RNF216: variants seen among roughly 807,000 people sequenced by gnomAD.
RNF216 encodes E3 ubiquitin-protein ligase RNF216.
Under a neutral mutation model 110.8 loss-of-function variants are expected in RNF216, and 72 were observed. The ratio of observed to expected loss-of-function variants is 0.65; its 90% CI spans 0.54 to 0.79. The LOEUF is 0.79. RNF216 is among the 30% of genes least tolerant of loss of function. The probability of loss-of-function intolerance (pLI) is 0.00; values close to 1 mark genes in which losing one functional copy is unlikely to be tolerated. For missense variants in RNF216, 1,342 were observed against 1,141.2 expected (o/e 1.18, Z -2.54); for synonymous variants, 495 against 407.5 (o/e 1.21, Z -2.59).
In RNF216 at chr7:5,738,707, C is replaced by CAAAAAAA. The variant is rs71004696; in HGVS notation, c.1121+562_1121+568dup. 7.1e-5 allele frequency among the ~76,000 whole-genome samples: 5 copies of CAAAAAAA among 70,126 alleles called. No homozygotes were observed. The East Asian group carries it at 1.6e-3, about 23-fold the overall frequency. 46.0% of individuals were successfully genotyped at this position (70,126 alleles called of 152,430 possible). A position where few individuals can be genotyped will look rare whatever the true frequency, so the allele number is the denominator to read the frequency against. ...TGGGAGACAGAGTGAGACTCCGTCT[C>CAAAAAAA]AAAAAAAAAAAAAAAAAAAAAAAAA... On this transcript the variant is annotated intron_variant, in intron 5 of 16. Coordinates refer to ENST00000389902, the MANE Select transcript of RNF216 (RefSeq NM_207111.4).
At chr7:5,653,833 C>T (rs530798498) in intron 13 of RNF216, among the ~76,000 whole-genome samples, 1 of 152,186 alleles carries the variant, frequency 6.6e-6, no homozygotes, top group Admixed American at 6.5e-5. Context: ...GATCAACACT[C>T]CAGACAATGG....
intron 9 of RNF216, among the ~76,000 whole-genome samples, chr7:5,718,516 A>T (rs571841488): frequency 1.3e-5 from 2 of 152,118 alleles, no homozygotes; most frequent in Non-Finnish European, 2.9e-5. Flanking sequence ...CAATTCTCTA[A>T]AAGTTCAAAA....
At chr7:5,740,149 T>TA (rs1422070617) in intron 4 of RNF216, among the ~76,000 whole-genome samples, 4 of 119,798 alleles carry the variant, frequency 3.3e-5, no homozygotes, top group South Asian at 2.8e-4. Context: ...TTTTGTGAGA[T>TA]AGAGTCTCAC....
chr7:5,685,902 C>T (rs746067237), intron 13 of RNF216, among the ~76,000 whole-genome samples: 2 of 152,170 alleles, frequency 1.3e-5, no homozygotes, highest in Non-Finnish European at 2.9e-5. Flanking sequence ...TAATGCATTT[C>T]TATGTACTGA....
At chr7:5,751,182 GAAC>G (rs887365300) in intron 3 of RNF216, among the ~76,000 whole-genome samples, 2 of 151,980 alleles carry the variant, frequency 1.3e-5, no homozygotes, top group Non-Finnish European at 2.9e-5. Context: ...TCTCCAGCTG[GAAC>G]AACAACAACA....
Position 5,770,822 on chromosome 7 carries a change from C to T in RNF216, c.-69-9684G>A, listed in dbSNP as rs192445103. ...AGATTCTTTTTTTTTTTTTCTTTCCCCCCGAAACAGTGTCTTGCTCTGTCG... is the reference window on the plus strand; with the variant it reads ...AGATTCTTTTTTTTTTTTTCTTTCCTCCCGAAACAGTGTCTTGCTCTGTCG... On this transcript the variant is annotated intron_variant, in intron 1 of 16. Coordinates refer to ENST00000389902, the MANE Select transcript of RNF216 (RefSeq NM_207111.4). Among the ~76,000 whole-genome samples the T allele has an allele frequency of 4.2e-3, 633 of 151,412 alleles. 4 individuals are homozygous for T. Among genetic ancestry groups the T allele is most frequent in the Middle Eastern group, 0.027 (8 of 294 alleles).
intron 13 of RNF216, among the ~76,000 whole-genome samples, chr7:5,701,668 T>C (rs891119672): frequency 6.6e-6 from 1 of 152,194 alleles, no homozygotes; most frequent in East Asian, 1.9e-4. Flanking sequence ...AAAGCATAAG[T>C]GGGTTTAATA....
At chr7:5,632,920 G>A (rs923820941) in intron 15 of RNF216, among the ~76,000 whole-genome samples, 1 of 152,180 alleles carries the variant, frequency 6.6e-6, no homozygotes, top group Non-Finnish European at 1.5e-5. Flanking sequence ...CAGTGTCAAG[G>A]ACAAAGGGTC....
intron 13 of RNF216, among the ~76,000 whole-genome samples, chr7:5,710,571 T>C (rs981222145): frequency 3.9e-5 from 6 of 152,156 alleles, no homozygotes; most frequent in Admixed American, 2.0e-4. Context: ...GACTACTCAA[T>C]AGGCAAGTAG....
intron 13 of RNF216, among the ~76,000 whole-genome samples, chr7:5,665,311 A>G (rs1349891114): frequency 6.6e-6 from 1 of 152,174 alleles, no homozygotes; most frequent in African/African-American, 2.4e-5. Flanking sequence ...GAACCATTAC[A>G]AAGCCTCCCC....
chr7:5,763,188 C>G (rs1402195400), intron 1 of RNF216, among the ~76,000 whole-genome samples: 1 of 152,134 alleles, frequency 6.6e-6, no homozygotes, highest in Non-Finnish European at 1.5e-5. Context: ...GGTAGATTAA[C>G]TGTTAAGTGA....
At chr7:5,647,932 G>A (rs914160424) in intron 14 of RNF216, among the ~76,000 whole-genome samples, 2 of 151,974 alleles carry the variant, frequency 1.3e-5, no homozygotes, top group African/African-American at 4.8e-5. Flanking sequence ...TTGCCCTGTA[G>A]CCACCAAAAT....
chr7:5,672,703 T>C (rs1200730484), intron 13 of RNF216, among the ~76,000 whole-genome samples: 1 of 151,356 alleles, frequency 6.6e-6, no homozygotes, highest in Non-Finnish European at 1.5e-5. Flanking sequence ...GTATGGAGCA[T>C]GAGTCTGGAA....
intron 13 of RNF216, among the ~76,000 whole-genome samples, chr7:5,709,148 T>C (rs983809746): frequency 6.6e-6 from 1 of 152,104 alleles, no homozygotes; most frequent in African/African-American, 2.4e-5. Flanking sequence ...CAGTACGTGC[T>C]AGTTTCACCA....
intron 15 of RNF216, among the ~76,000 whole-genome samples, chr7:5,632,667 C>T (rs566027883): frequency 6.6e-6 from 1 of 152,242 alleles, no homozygotes; most frequent in East Asian, 1.9e-4. Flanking sequence ...ATTCCAGCTA[C>T]TTGGGAGGCT....
chr7:5,708,046 C>T (rs952054802), intron 13 of RNF216, among the ~76,000 whole-genome samples: 1 of 152,090 alleles, frequency 6.6e-6, no homozygotes, highest in Non-Finnish European at 1.5e-5. Context: ...AGTTCTCATA[C>T]TTTGTGAATT....
At chr7:5,759,111 G>C (rs1448485636) in intron 2 of RNF216, among the ~76,000 whole-genome samples, 1 of 152,094 alleles carries the variant, frequency 6.6e-6, no homozygotes, top group Non-Finnish European at 1.5e-5. Context: ...AAAGTGTGTG[G>C]CACCTCTTCC....
At chr7:5,670,835 T>C (rs193243185) in intron 13 of RNF216, among the ~76,000 whole-genome samples, 3 of 152,320 alleles carry the variant, frequency 2.0e-5, no homozygotes, top group Non-Finnish European at 2.9e-5. Context: ...GAACTTGTAG[T>C]GGTGGCCATA....
intron 13 of RNF216, 57 bp downstream of exon 13, chr7:5,711,704 G>A: frequency 1.4e-6 from 2 of 1,419,298 alleles, no homozygotes; most frequent in Admixed American, 3.8e-5. Context: ...TGGGCCATGA[G>A]GGCAGCCCAT....
Sources: gnomAD v4.1 joint callset for allele counts (sites outside exome capture counted in the v4.1 genomes callset) on GRCh38, gnomAD v4.1.1 for gene constraint, MANE v1.5 for transcripts, NCBI Gene and HGNC (gene_info 2026-07-23, HGNC 2026-07-21) for gene names.